GABRR2: variants seen among roughly 807,000 people sequenced by gnomAD.
GABRR2 encodes gamma-aminobutyric acid type A receptor subunit rho2, also known as gamma-aminobutyric acid receptor subunit rho-2.
In GABRR2, 36 loss-of-function variants were observed where a neutral mutation model predicts 47.0. The observed-to-expected ratio is 0.77, with a 90% confidence interval of 0.59 to 1.01. The LOEUF (loss-of-function observed/expected upper bound fraction) is 1.01, where lower values mean the gene tolerates loss of function less well. Among genes scored for constraint, GABRR2 ranks in the 50% least tolerant of loss-of-function variants. The pLI, the probability that GABRR2 is intolerant of heterozygous loss-of-function variation, is 0.00. For synonymous variants in GABRR2, 204 were observed against 227.5 expected (o/e 0.90, Z 0.93); for missense variants, 587 against 594.6 (o/e 0.99, Z 0.13).
intron 2 of GABRR2, among the ~76,000 whole-genome samples, chr6:89,297,205 C>CTATTA (rs1251967955): frequency 6.6e-6 from 1 of 152,154 alleles, no homozygotes; most frequent in Non-Finnish European, 1.5e-5. Context: ...TAATGATGAA[C>CTATTA]ATATTAATAG....
intron 2 of GABRR2, among the ~76,000 whole-genome samples, chr6:89,272,285 T>A (rs1037739654): frequency 6.6e-6 from 1 of 152,170 alleles, no homozygotes; most frequent in African/African-American, 2.4e-5. Context: ...CAAAGGACAA[T>A]GAAACCTTGT....
In GABRR2 at chr6:89,257,549, G is replaced by A. The variant is rs1562340721; in HGVS notation, c.*121C>T. The A allele has an allele frequency of 1.3e-6, 1 of 787,556 alleles. No individual in the cohort carries two copies. Among genetic ancestry groups the A allele is most frequent in the East Asian group, 2.7e-5 (1 of 37,480 alleles). The allele number at this position is 787,556 out of a possible 1,614,324, so 48.8% of individuals were successfully genotyped here. On this transcript the variant is annotated 3_prime_UTR_variant, in exon 9 of 9. Coordinates refer to ENST00000402938, the MANE Select transcript of GABRR2 (RefSeq NM_002043.5). ...TTCTCTGAGAGATGAGTGCTGCTCA[G>A]GGTGGTCCAGTAGCTGCTGCATTGT...
chr6:89,315,232 C>G lies in GABRR2; in HGVS notation c.-67G>C. The G allele has an allele frequency of 1.2e-6, 2 of 1,608,368 alleles. No homozygotes were observed. The highest frequency in any genetic ancestry group is 1.7e-6 in the Non-Finnish European group (2 of 1,176,650). On this transcript the variant is annotated 5_prime_UTR_variant, in exon 1 of 9. Coordinates refer to ENST00000402938, the MANE Select transcript of GABRR2 (RefSeq NM_002043.5). ...CTGTGGCAGAGCAAATCCCCCCTGGCTTGACCATTGATCCATCTGCTGCCT... is the reference window on the plus strand; with the variant it reads ...CTGTGGCAGAGCAAATCCCCCCTGGGTTGACCATTGATCCATCTGCTGCCT...
chr6:89,259,507 G>GTT (rs60807051), intron 8 of GABRR2, among the ~76,000 whole-genome samples: 39 of 149,248 alleles, frequency 2.6e-4, no homozygotes, highest in Admixed American at 4.0e-4. Context: ...TTTTTGTTTT[G>GTT]TTTTTTTTGT....
intron 1 of GABRR2, among the ~76,000 whole-genome samples, chr6:89,308,714 T>C (rs960344649): frequency 2.6e-5 from 4 of 152,178 alleles, no homozygotes; most frequent in Admixed American, 2.6e-4. Flanking sequence ...CTCCATTTAG[T>C]TCCTCCCATC....
chr6:89,255,986 C>T lies in GABRR2; in HGVS notation c.*1684G>A, dbSNP rs1002890273. On this transcript the variant is annotated 3_prime_UTR_variant, in exon 9 of 9. Coordinates refer to ENST00000402938, the MANE Select transcript of GABRR2 (RefSeq NM_002043.5). ...ACTGCAGTGGCTTGATCACAGCTCACGGCAGCCTGGAATTCCTGGGCTCAA... is the reference window on the plus strand; with the variant it reads ...ACTGCAGTGGCTTGATCACAGCTCATGGCAGCCTGGAATTCCTGGGCTCAA... Among the ~76,000 whole-genome samples the T allele has an allele frequency of 2.6e-5, 4 of 151,892 alleles. No homozygotes were observed. Among genetic ancestry groups the T allele is most frequent in the African/African-American group, 4.8e-5 (2 of 41,316 alleles).
At chr6:89,313,400 G>C (rs943884885) in intron 1 of GABRR2, among the ~76,000 whole-genome samples, 2 of 152,178 alleles carry the variant, frequency 1.3e-5, no homozygotes, top group African/African-American at 2.4e-5. Flanking sequence ...TCTAAACCAG[G>C]GTTTTCCACG....
At chr6:89,290,498 C>T (rs1774417739) in intron 2 of GABRR2, among the ~76,000 whole-genome samples, 1 of 152,234 alleles carries the variant, frequency 6.6e-6, no homozygotes, top group African/African-American at 2.4e-5. Flanking sequence ...AGGCTCAGGG[C>T]TGTGTAGACA....
At chr6:89,290,838 CT>C (rs1226827066) in intron 2 of GABRR2, among the ~76,000 whole-genome samples, 1 of 152,172 alleles carries the variant, frequency 6.6e-6, no homozygotes, top group Non-Finnish European at 1.5e-5. Flanking sequence ...CATCGGGCGG[CT>C]TTTTCCAAGA....
At chr6:89,301,763 G>T in intron 1 of GABRR2, 4 of 711,292 alleles carry the variant, frequency 5.6e-6, no homozygotes, top group Non-Finnish European at 1.0e-5. Context: ...GTCCGCAGCC[G>T]CCTGCCAGAC....
intron 2 of GABRR2, among the ~76,000 whole-genome samples, chr6:89,290,184 C>T (rs1229208642): frequency 6.6e-6 from 1 of 152,222 alleles, no homozygotes. Flanking sequence ...CCTATCAGCC[C>T]AGAATGGCTC....
At chr6:89,264,025 A>G (rs1219648949) in intron 8 of GABRR2, among the ~76,000 whole-genome samples, 1 of 152,188 alleles carries the variant, frequency 6.6e-6, no homozygotes, top group African/African-American at 2.4e-5. Flanking sequence ...ATGTTCAGTA[A>G]TGATAGTGAG....
intron 2 of GABRR2, among the ~76,000 whole-genome samples, chr6:89,278,284 C>A (rs1263298615): frequency 6.6e-6 from 1 of 152,106 alleles, no homozygotes; most frequent in Non-Finnish European, 1.5e-5. Context: ...AGGTACCTGA[C>A]TGGAATGGCA....
In GABRR2 at chr6:89,264,470, G is replaced by A. The variant is rs149245573; in HGVS notation, c.1028C>T (p.Ala343Val). The change falls in exon 8 of 9, where the codon GCG becomes GTG. Residue 343 changes from alanine (A) to valine (V), a missense_variant. Coordinates refer to ENST00000402938, the MANE Select transcript of GABRR2 (RefSeq NM_002043.5). ...VFVFLSVLEY[A>V]AVNYLTTVQE... is the part of the protein sequence containing the mutation. ...CACGGTGGTCAGGTAGTTGACAGCC[G>A]CATACTCCAGCACCGAGAGGAACAC... The A allele has an allele frequency of 1.4e-5, 23 of 1,613,826 alleles. No individual in the cohort carries two copies. Among genetic ancestry groups the A allele is most frequent in the Admixed American group, 3.3e-5 (2 of 59,922 alleles).
Position 89,265,690 on chromosome 6 carries a change from G to C in GABRR2, c.812C>G (p.Pro271Arg), listed in dbSNP as rs1373172317. The C allele has an allele frequency of 1.2e-6, 2 of 1,614,070 alleles. No individual in the cohort carries two copies. Among genetic ancestry groups the C allele is most frequent in the African/African-American group, 1.3e-5 (1 of 74,916 alleles). The change falls in exon 7 of 9, where the codon CCT (proline) becomes CGT (arginine). Residue 271 changes from proline to arginine, a missense_variant. Pro to Arg is a moderately radical substitution (Grantham distance 103). Coordinates refer to ENST00000402938, the MANE Select transcript of GABRR2 (RefSeq NM_002043.5). Reference sequence around the variant, plus strand: ...GGACAGCATGACCATCAGAGTGGCAGGGAAATATGTTTGGAGCAAGAAGAA... The same window carrying C: ...GGACAGCATGACCATCAGAGTGGCACGGAAATATGTTTGGAGCAAGAAGAA... ...IFFFLLQTYF[P>R]ATLMVMLSWV...
At chr6:89,310,784 G>T (rs970217468) in intron 1 of GABRR2, among the ~76,000 whole-genome samples, 2 of 152,096 alleles carry the variant, frequency 1.3e-5, no homozygotes, top group Non-Finnish European at 2.9e-5. Context: ...GAATGAAGCT[G>T]CAGGGACAAG....
At chr6:89,272,529 G>T (rs1197540308) in intron 2 of GABRR2, among the ~76,000 whole-genome samples, 1 of 152,140 alleles carries the variant, frequency 6.6e-6, no homozygotes, top group East Asian at 1.9e-4. Flanking sequence ...AATGTTTTTT[G>T]GATTTTAATT....
At chr6:89,309,912 G>C (rs1178822080) in intron 1 of GABRR2, among the ~76,000 whole-genome samples, 1 of 151,606 alleles carries the variant, frequency 6.6e-6, no homozygotes, top group Non-Finnish European at 1.5e-5. Flanking sequence ...TGAGCAGCTG[G>C]GGTTAACAGG....
At chr6:89,286,573 GA>G (rs367876413) in intron 2 of GABRR2, among the ~76,000 whole-genome samples, 70 of 145,114 alleles carry the variant, frequency 4.8e-4, no homozygotes, top group Non-Finnish European at 7.8e-4. Context: ...AAAACAAAAT[GA>G]AAAAAAAAAA....
Sources: allele counts gnomAD v4.1 joint callset (sites outside exome capture counted in the v4.1 genomes callset), GRCh38; gene constraint gnomAD v4.1.1; transcripts MANE v1.5; gene names NCBI Gene and HGNC (gene_info 2026-07-23, HGNC 2026-07-21).